The following ZNF695 variants were observed in gnomAD, a reference collection of about 807,000 sequenced individuals.
The protein encoded by ZNF695 is zinc finger protein SBZF3.
ZNF695 carries 11 observed loss-of-function variants against 11.2 expected under a neutral mutation model. The ratio of observed to expected loss-of-function variants is 0.98; its 90% CI spans 0.62 to 1.62. The LOEUF is 1.62. Among genes scored for constraint, ZNF695 ranks in the 40% most tolerant of loss-of-function variants. The probability of loss-of-function intolerance (pLI) is 0.00; values close to 1 mark genes in which losing one functional copy is unlikely to be tolerated. For synonymous variants in ZNF695, 190 were observed against 201.4 expected (o/e 0.94, Z 0.48); for missense variants, 559 against 590.5 (o/e 0.95, Z 0.55).
intron 3 of ZNF695, among the ~76,000 whole-genome samples, chr1:246,993,663 C>A (rs1416749949): frequency 1.3e-5 from 2 of 151,698 alleles, no homozygotes; most frequent in Non-Finnish European, 2.9e-5. Flanking sequence ...AGATAGCAAC[C>A]CTAAAGAAAT....
intron 3 of ZNF695, among the ~76,000 whole-genome samples, chr1:246,990,931 CA>C (rs945260661): frequency 1.3e-5 from 2 of 151,942 alleles, no homozygotes; most frequent in Non-Finnish European, 2.9e-5. Context: ...CAAAATATAC[CA>C]AAACCTATGG....
intron 5 of ZNF695, among the ~76,000 whole-genome samples, chr1:246,955,654 T>C (rs1006571114): frequency 2.6e-5 from 4 of 152,188 alleles, no homozygotes; most frequent in Admixed American, 2.0e-4. Flanking sequence ...GGAGGCTTTT[T>C]CCCCAAGATT....
intron 1 of ZNF695, among the ~76,000 whole-genome samples, 187 bp from the exon 2 acceptor site, chr1:247,000,261 C>T (rs1350650709): frequency 1.3e-5 from 2 of 152,206 alleles, no homozygotes; most frequent in Non-Finnish European, 2.9e-5. Flanking sequence ...AATCCCAACA[C>T]TTTGGGAGGC....
chr1:246,963,616 T>C (rs1473052666), intron 5 of ZNF695, among the ~76,000 whole-genome samples: 72 of 152,248 alleles, frequency 4.7e-4, no homozygotes, highest in East Asian at 9.6e-4. Context: ...CCAGAGCAGG[T>C]GCGGGGGTTA....
At chr1:246,967,783 C>A (rs570522088) in exon 5 of ZNF695, 38 of 361,774 alleles carry the variant, frequency 1.1e-4, no homozygotes, top group Non-Finnish European at 1.8e-4. Flanking sequence ...GCAAGCACAT[C>A]TTCACATGGC....
At position 246,980,173 on chromosome 1, in the gene ZNF695, G is replaced by C. The variant is rs544657129; in HGVS notation, c.390+7952C>G. On this transcript the variant is annotated intron_variant, in intron 4 of 5. Transcript: ENST00000487338. Reference sequence around the variant, plus strand: ...CAGCCTGGACGACAGCCTGGACTCTGTATTTAAAAAAAAAAAAAAAAAAAA... The same window carrying C: ...CAGCCTGGACGACAGCCTGGACTCTCTATTTAAAAAAAAAAAAAAAAAAAA... Among the ~76,000 whole-genome samples, 214 of 94,442 alleles carry C rather than the reference G, an allele frequency of 2.3e-3. 2 individuals are homozygous for C. The highest frequency in any genetic ancestry group is 6.4e-4 in the Non-Finnish European group (34 of 53,004). 62.0% of individuals were successfully genotyped at this position (94,442 alleles called of 152,430 possible).
intron 3 of ZNF695, among the ~76,000 whole-genome samples, chr1:246,990,801 G>C (rs10802458): frequency 0.6 from 91,241 of 152,092 alleles, 29,441 homozygotes; most frequent in East Asian, 0.98. Context: ...AGAATGAAAA[G>C]AGGAATTTTC....
intron 5 of ZNF695, among the ~76,000 whole-genome samples, chr1:246,952,716 C>T (rs190901116): frequency 6.6e-6 from 1 of 151,876 alleles, no homozygotes; most frequent in East Asian, 1.9e-4. Flanking sequence ...TGGTGTTATG[C>T]TTCCTTTATT....
In ZNF695 at chr1:246,986,571, T is replaced by C. The variant is rs538281520; in HGVS notation, c.*396A>G. ...TGATTAGACATTTTTTCACATTTACTGCATCTGTAAAACAGTTTTTAGTGT... is the reference window on the plus strand; with the variant it reads ...TGATTAGACATTTTTTCACATTTACCGCATCTGTAAAACAGTTTTTAGTGT... On this transcript the variant is annotated 3_prime_UTR_variant, in exon 4 of 4. Transcript: ENST00000339986. 1 of 997,214 alleles carries C rather than the reference T, an allele frequency of 1.0e-6. No homozygotes were observed. Among genetic ancestry groups the C allele is most frequent in the African/African-American group, 1.7e-5 (1 of 57,784 alleles). 61.8% of individuals were successfully genotyped at this position (997,214 alleles called of 1,614,324 possible).
chr1:246,999,536 C>T (rs934001983), intron 2 of ZNF695, 96 bp from the exon 3 acceptor site: 3 of 952,400 alleles, frequency 3.1e-6, no homozygotes, highest in African/African-American at 3.3e-5. Flanking sequence ...ACATTAGATC[C>T]TAGAAAATTA....
At chr1:247,002,174 A>G (rs996480159) in intron 1 of ZNF695, among the ~76,000 whole-genome samples, 6 of 152,194 alleles carry the variant, frequency 3.9e-5, no homozygotes, top group Admixed American at 6.5e-5. Flanking sequence ...ACAGAACTCA[A>G]TATCAAGAAT....
At chr1:246,982,549 A>G (rs1360788834), downstream of ZNF695, among the ~76,000 whole-genome samples, 1 of 152,216 alleles carries the variant, frequency 6.6e-6, no homozygotes, top group Admixed American at 6.5e-5. Flanking sequence ...AGCTTTACCT[A>G]TTCTAATTAA....
At chr1:246,955,985 ATTTTT>A (rs74163714) in intron 5 of ZNF695, among the ~76,000 whole-genome samples, 1 of 132,052 alleles carries the variant, frequency 7.6e-6, no homozygotes, top group Non-Finnish European at 1.6e-5. Context: ...TTTGGATTGG[ATTTTT>A]TTTTTTTTTT....
downstream of ZNF695, among the ~76,000 whole-genome samples, chr1:246,981,363 C>T (rs547848821): frequency 9.2e-5 from 14 of 152,208 alleles, no homozygotes; most frequent in Admixed American, 7.2e-4. Flanking sequence ...TATGACACAG[C>T]AATTTTACTA....
At chr1:246,997,249 TC>T (rs1228729461) in intron 3 of ZNF695, among the ~76,000 whole-genome samples, 16 of 152,196 alleles carry the variant, frequency 1.1e-4, no homozygotes, top group African/African-American at 2.6e-4. Flanking sequence ...ACGCCTATAA[TC>T]CCAGCACTTT....
chr1:246,996,191 C>CAA (rs750458290), intron 3 of ZNF695: 10 of 282,894 alleles, frequency 3.5e-5, no homozygotes, highest in Middle Eastern at 4.8e-4. Flanking sequence ...ACTAAAAATA[C>CAA]AAAAAAAAAA....
chr1:246,952,641 G>A (rs1667895425), intron 5 of ZNF695, among the ~76,000 whole-genome samples: 3 of 151,422 alleles, frequency 2.0e-5, no homozygotes, highest in South Asian at 2.1e-4. Flanking sequence ...TGAACTCCTG[G>A]GCTCAAGTGA....
chr1:246,990,845 C>T (rs182026029), intron 3 of ZNF695, among the ~76,000 whole-genome samples: 4 of 152,102 alleles, frequency 2.6e-5, no homozygotes, highest in African/African-American at 4.8e-5. Flanking sequence ...TTAAACAATA[C>T]GCTCCCAAAT....
intron 4 of ZNF695, among the ~76,000 whole-genome samples, chr1:246,971,326 A>G (rs1206960060): frequency 2.0e-5 from 3 of 152,224 alleles, no homozygotes; most frequent in Non-Finnish European, 4.4e-5. Context: ...AGGGCGGAAC[A>G]TGAAAGCGGG....
Sources: allele counts gnomAD v4.1 joint callset (sites outside exome capture counted in the v4.1 genomes callset), GRCh38; gene constraint gnomAD v4.1.1; transcripts MANE v1.5; gene names NCBI Gene and HGNC (gene_info 2026-07-23, HGNC 2026-07-21).